The following PREX1 variants were observed in gnomAD, a reference collection of about 807,000 sequenced individuals.
PREX1 encodes the protein phosphatidylinositol 3,4,5-trisphosphate-dependent Rac exchanger 1 protein.
A neutral mutation model predicts 198.3 loss-of-function variants in PREX1; 41 were observed. The ratio of observed to expected loss-of-function variants is 0.21; its 90% CI spans 0.16 to 0.27. The LOEUF is 0.27. Ranked by LOEUF, PREX1 falls within the 10% of genes least tolerant of loss-of-function variation. The pLI, the probability that PREX1 is intolerant of heterozygous loss-of-function variation, is 1.00. For synonymous variants in PREX1, 843 were observed against 887.2 expected, an observed-to-expected ratio of 0.95 and a Z score of 0.89; for missense variants, 1,620 against 2,200.7, an observed-to-expected ratio of 0.74 and a Z score of 5.28.
the PREX1 span, chr20:48,849,310 A>G: frequency 1.3e-5 from 2 of 152,342 alleles, no homozygotes; most frequent in East Asian, 3.9e-4. Context: ...AAACAATACT[A>G]GAAACAAATA....
At chr20:48,805,497 G>A (rs967787722) in intron 1 of PREX1, among the ~76,000 whole-genome samples, 12 of 152,206 alleles carry the variant, frequency 7.9e-5, no homozygotes, top group Admixed American at 4.6e-4. Context: ...CCTGACACAC[G>A]GGGAGGGGCT....
At chr20:48,645,157 T>G (rs1327597506) in intron 26 of PREX1, among the ~76,000 whole-genome samples, 1 of 152,164 alleles carries the variant, frequency 6.6e-6, no homozygotes, top group Non-Finnish European at 1.5e-5. Context: ...TGGAAGAACA[T>G]TCACGCTGCG....
chr20:48,853,873 A>G, the PREX1 span, among the ~76,000 whole-genome samples: 3 of 151,436 alleles, frequency 2.0e-5, no homozygotes, highest in Non-Finnish European at 4.4e-5. Context: ...TTGGGTGGTG[A>G]GAAAACTCTT....
chr20:48,718,774 A>G (rs1373378982), intron 5 of PREX1, among the ~76,000 whole-genome samples: 1 of 152,264 alleles, frequency 6.6e-6, no homozygotes, highest in East Asian at 1.9e-4. Context: ...AACAATAAAA[A>G]TAACTAATAT....
intron 1 of PREX1, among the ~76,000 whole-genome samples, chr20:48,818,087 AC>A (rs2090466666): frequency 6.6e-6 from 1 of 152,208 alleles, no homozygotes; most frequent in Non-Finnish European, 1.5e-5. Flanking sequence ...GGGCTGAGCC[AC>A]GGGGACACTG....
intron 6 of PREX1, among the ~76,000 whole-genome samples, chr20:48,707,422 C>A (rs1453178528): frequency 1.3e-5 from 2 of 152,178 alleles, no homozygotes; most frequent in Non-Finnish European, 2.9e-5. Flanking sequence ...TGCAGCCAAA[C>A]CCGTAACCTC....
intron 1 of PREX1, among the ~76,000 whole-genome samples, chr20:48,790,049 G>C (rs141468588): frequency 8.5e-5 from 13 of 152,278 alleles, no homozygotes; most frequent in African/African-American, 3.1e-4. Flanking sequence ...AAGAGTGTGG[G>C]CTTTGAAGTC....
At chr20:48,825,098 T>C (rs577274558) in intron 1 of PREX1, among the ~76,000 whole-genome samples, 1 of 152,238 alleles carries the variant, frequency 6.6e-6, no homozygotes, top group South Asian at 2.1e-4. Flanking sequence ...ATGGAAAGCC[T>C]TGGTAATTAG....
In PREX1 at chr20:48,636,397, C is replaced by T. The variant is rs148945446; in HGVS notation, c.4167+66G>A. On this transcript the variant is annotated intron_variant, in intron 32 of 39. Coordinates refer to ENST00000371941, the MANE Select transcript of PREX1 (RefSeq NM_020820.4). ...CTGAGTAAGTGGGCAAGGGCTCCCT[C>T]GACCCGGCCTGGGCGGGCACCAGTG... is the stretch of plus-strand genomic sequence containing the variant. 7.6e-3 allele frequency: 11,266 copies of T among 1,484,206 alleles called. 57 individuals carry two copies. Among genetic ancestry groups the T allele is most frequent in the Non-Finnish European group, 9.1e-3 (10,178 of 1,114,190 alleles). The allele number at this position is 1,484,206 out of a possible 1,614,324, so 91.9% of individuals were successfully genotyped here.
chr20:48,763,335 T>C (rs2090192486), intron 1 of PREX1, among the ~76,000 whole-genome samples: 3 of 152,178 alleles, frequency 2.0e-5, no homozygotes. Flanking sequence ...ACGGAGACAG[T>C]GGTGGCTGGG....
the PREX1 span, among the ~76,000 whole-genome samples, chr20:48,870,265 CA>C: frequency 4.6e-5 from 7 of 152,014 alleles, no homozygotes; most frequent in African/African-American, 1.7e-4. Context: ...AAAACTAAAA[CA>C]AAACAAAATA....
chr20:48,695,327 TATAGTGAC>T (rs759456278), intron 7 of PREX1, among the ~76,000 whole-genome samples: 2 of 152,218 alleles, frequency 1.3e-5, no homozygotes, highest in East Asian at 3.8e-4. Context: ...TGCTGCTGGG[TATAGTGAC>T]ATGGCCAGAC....
intron 1 of PREX1, among the ~76,000 whole-genome samples, chr20:48,805,687 C>T (rs2090408860): frequency 1.3e-5 from 2 of 152,172 alleles, no homozygotes; most frequent in South Asian, 4.1e-4. Context: ...CAGAATCCCA[C>T]CTCACCCCTC....
chr20:48,627,573 CCTT>C lies in PREX1; in HGVS notation c.4909_4911del (p.Lys1637del). 6.2e-7 allele frequency: 1 copy of C among 1,613,868 alleles called. No homozygotes were observed. Among genetic ancestry groups the C allele is most frequent in the South Asian group, 1.1e-5 (1 of 91,074 alleles). ...CGCGGAGCACCCTGGGGCATCTGGT[CCTT>C]GACTCGCAGGTTTTTGGCCAGAATC... On this transcript the variant is annotated inframe_deletion, in exon 39 of 40. Coordinates refer to ENST00000371941, the MANE Select transcript of PREX1 (RefSeq NM_020820.4).
intron 1 of PREX1, among the ~76,000 whole-genome samples, chr20:48,768,318 C>T (rs967982823): frequency 1.3e-5 from 2 of 152,170 alleles, no homozygotes; most frequent in African/African-American, 2.4e-5. Context: ...GGTGTTCTCA[C>T]ACAACAGAAA....
intron 1 of PREX1, among the ~76,000 whole-genome samples, chr20:48,818,389 G>A (rs897302590): frequency 6.6e-6 from 1 of 152,232 alleles, no homozygotes; most frequent in African/African-American, 2.4e-5. Flanking sequence ...GGAGCTGAGA[G>A]AGCCAAGAGG....
intron 1 of PREX1, among the ~76,000 whole-genome samples, chr20:48,758,073 T>C (rs1161071564): frequency 2.0e-5 from 3 of 151,816 alleles, no homozygotes; most frequent in Non-Finnish European, 4.4e-5. Flanking sequence ...AGTAGTTTCT[T>C]TGGGAGGTGG....
intron 1 of PREX1, among the ~76,000 whole-genome samples, chr20:48,791,596 G>A (rs2090339166): frequency 1.3e-5 from 2 of 152,170 alleles, no homozygotes; most frequent in Non-Finnish European, 2.9e-5. Flanking sequence ...TCCCAGTGAT[G>A]GGTCAGGTTT....
At chr20:48,633,590 A>G (rs538608482) in intron 33 of PREX1, among the ~76,000 whole-genome samples, 1 of 152,308 alleles carries the variant, frequency 6.6e-6, no homozygotes, top group South Asian at 2.1e-4. Context: ...CCACCTCCAG[A>G]GTTTCTGAGG....
Sources: gnomAD v4.1 joint callset for allele counts (sites outside exome capture counted in the v4.1 genomes callset) on GRCh38, gnomAD v4.1.1 for gene constraint, MANE v1.5 for transcripts, NCBI Gene and HGNC (gene_info 2026-07-23, HGNC 2026-07-21) for gene names.